The following PLEKHA7 variants were observed in gnomAD, a reference collection of about 807,000 sequenced individuals.
PLEKHA7 encodes the protein pleckstrin homology domain containing A7.
In PLEKHA7, 104 loss-of-function variants were observed where a neutral mutation model predicts 170.0. That is an observed-to-expected ratio of 0.61 (90% confidence interval 0.52 to 0.72). The LOEUF (loss-of-function observed/expected upper bound fraction) is 0.72, where lower values mean the gene tolerates loss of function less well. Among genes scored for constraint, PLEKHA7 ranks in the 30% least tolerant of loss-of-function variants. The pLI is 0.00. For synonymous variants in PLEKHA7, 648 were observed against 660.8 expected (o/e 0.98, Z 0.30); for missense variants, 1,615 against 1,671.7 (o/e 0.97, Z 0.59).
intron 9 of PLEKHA7, among the ~76,000 whole-genome samples, chr11:16,827,862 A>C (rs963243333): frequency 1.3e-5 from 2 of 151,540 alleles, no homozygotes; most frequent in African/African-American, 2.4e-5. Context: ...TAGCCTTAAG[A>C]TCCATCACTC....
intron 17 of PLEKHA7, 181 bp from the exon 18 acceptor site, chr11:16,795,199 T>C (rs777476448): frequency 2.1e-5 from 12 of 574,968 alleles, no homozygotes; most frequent in Middle Eastern, 4.6e-4. Flanking sequence ...ACAAGGAAAA[T>C]GCCCACGATC....
intron 3 of PLEKHA7, among the ~76,000 whole-genome samples, chr11:16,932,457 T>G (rs949962472): frequency 6.6e-6 from 1 of 151,758 alleles, no homozygotes; most frequent in Non-Finnish European, 1.5e-5. Context: ...AATTTTTCAA[T>G]TTTTTTTGGT....
In PLEKHA7 at chr11:16,799,726, C is replaced by CA. The variant is rs544080036; in HGVS notation, c.2409+1247dup. Among the ~76,000 whole-genome samples, 157 of 151,956 alleles carry CA rather than the reference C, an allele frequency of 1.0e-3. 2 individuals are homozygous for CA. The East Asian group carries it at 0.022, about 21-fold the overall frequency. ...GTCATTACGGTAAATGCTGCGGCTACAAAAAAGAGTAGTGAAATGTTAGCC... is the reference window on the plus strand; with the variant it reads ...GTCATTACGGTAAATGCTGCGGCTACAAAAAAAGAGTAGTGAAATGTTAGCC... On this transcript the variant is annotated intron_variant, in intron 17 of 26. Transcript: ENST00000531066.
chr11:16,888,876 A>T (rs9736249), intron 3 of PLEKHA7, among the ~76,000 whole-genome samples: 6 of 30,482 alleles, frequency 2.0e-4, no homozygotes, highest in South Asian at 7.5e-4. Context: ...TAAAAAAATT[A>T]AAAAAAACAA....
chr11:16,794,511 G>A lies in PLEKHA7; in HGVS notation c.2722C>T (p.Pro908Ser), dbSNP rs1397896774. 2.5e-6 allele frequency: 4 copies of A among 1,613,790 alleles called. No individual in the cohort carries two copies. The African/African-American group carries it at 4.0e-5, about 16-fold the overall frequency. Residue 908 changes from proline (P) to serine (S), a missense_variant, in exon 19 of 27, where the codon CCA becomes TCA. Pro to Ser is a moderately conservative substitution (Grantham distance 74, BLOSUM62 -1). Coordinates refer to ENST00000531066, the MANE Select transcript of PLEKHA7 (RefSeq NM_001329630.2). ...LRKVTSPLQSPTKAKPKVEDE... is the reference protein window; with the variant it reads ...LRKVTSPLQSSTKAKPKVEDE... ...ACAACTTTGGGCTTCGCCTTAGTTG[G>A]TGACTGAAGGGGGGATGTCACTTTC...
At chr11:16,815,447 G>C (rs372142169) in intron 12 of PLEKHA7, among the ~76,000 whole-genome samples, 1 of 152,228 alleles carries the variant, frequency 6.6e-6, no homozygotes, top group Non-Finnish European at 1.5e-5. Context: ...ACAAATAAAG[G>C]CACTGGCAGT....
intron 3 of PLEKHA7, among the ~76,000 whole-genome samples, chr11:17,005,633 C>A (rs1047657132): frequency 6.6e-6 from 1 of 152,162 alleles, no homozygotes; most frequent in African/African-American, 2.4e-5. Context: ...TCTTCCCAAC[C>A]CAGCATCTGT....
chr11:16,984,418 C>G (rs1863609652), intron 3 of PLEKHA7, among the ~76,000 whole-genome samples: 1 of 152,168 alleles, frequency 6.6e-6, no homozygotes, highest in African/African-American at 2.4e-5. Flanking sequence ...CCAGTGAATT[C>G]TCTGCTGACT....
intron 3 of PLEKHA7, among the ~76,000 whole-genome samples, chr11:16,872,632 A>AC (rs2135693039): frequency 6.6e-6 from 1 of 152,046 alleles, no homozygotes; most frequent in Admixed American, 6.6e-5. Context: ...TGATCCTCCC[A>AC]CCTCAGCCTC....
At position 16,826,578 on chromosome 11, in the gene PLEKHA7, C is replaced by T. The variant is rs1850671336; in HGVS notation, c.885G>A (p.Lys295=). The change falls in exon 10 of 27, where the codon AAG becomes AAA. Residue 295 remains lysine (K), a synonymous_variant. Transcript: ENST00000531066. ...CCTGGGGGACAGCCTGCCGCTCCAC[C>T]TTCTCCATATCCCTGCAATGACAGC... The part of the protein sequence containing the change: ...SRSSLKRDME[K]VERQAVPQAN... 3 of 1,612,896 alleles carry T rather than the reference C, an allele frequency of 1.9e-6. No individual in the cohort carries two copies. Among genetic ancestry groups the T allele is most frequent in the African/African-American group, 2.7e-5 (2 of 75,046 alleles).
intron 25 of PLEKHA7, among the ~76,000 whole-genome samples, chr11:16,783,367 TCACTGGA>T (rs1849178522): frequency 6.6e-6 from 1 of 152,190 alleles, no homozygotes; most frequent in African/African-American, 2.4e-5. Context: ...TGGCAGGCCA[TCACTGGA>T]GCTGATCTCC....
intron 3 of PLEKHA7, among the ~76,000 whole-genome samples, chr11:16,947,262 C>A (rs1026321698): frequency 6.6e-6 from 1 of 152,096 alleles, no homozygotes; most frequent in Admixed American, 6.6e-5. Flanking sequence ...ATTCGTACAG[C>A]CATTATTGAA....
At chr11:16,951,015 C>T (rs1035969693) in intron 3 of PLEKHA7, among the ~76,000 whole-genome samples, 1 of 152,210 alleles carries the variant, frequency 6.6e-6, no homozygotes, top group Non-Finnish European at 1.5e-5. Flanking sequence ...GGGCCAGGAA[C>T]CAGTCCCCAA....
intron 3 of PLEKHA7, among the ~76,000 whole-genome samples, chr11:16,983,266 T>A (rs548862299): frequency 1.3e-5 from 2 of 152,296 alleles, no homozygotes; most frequent in South Asian, 4.1e-4. Context: ...AGGAGGGGCT[T>A]CCTTGTGAGG....
At chr11:16,878,894 C>A (rs1855504328) in intron 3 of PLEKHA7, among the ~76,000 whole-genome samples, 1 of 152,138 alleles carries the variant, frequency 6.6e-6, no homozygotes, top group South Asian at 2.1e-4. Context: ...GGATGAGACA[C>A]CAACATGCCA....
At chr11:16,991,576 C>T (rs1309410822) in intron 3 of PLEKHA7, among the ~76,000 whole-genome samples, 1 of 152,104 alleles carries the variant, frequency 6.6e-6, no homozygotes, top group Non-Finnish European at 1.5e-5. Flanking sequence ...ACAGAGGGGA[C>T]AGCAGTGCAA....
At chr11:16,797,241 T>C (rs1848296774) in intron 17 of PLEKHA7, among the ~76,000 whole-genome samples, 1 of 152,062 alleles carries the variant, frequency 6.6e-6, no homozygotes, top group East Asian at 1.9e-4. Context: ...AAACATCAAA[T>C]GTAGTATTCT....
chr11:16,952,396 A>G (rs1196757402), intron 3 of PLEKHA7, among the ~76,000 whole-genome samples: 1 of 152,196 alleles, frequency 6.6e-6, no homozygotes, highest in African/African-American at 2.4e-5. Flanking sequence ...AAAGCAAAAC[A>G]TAGAGTGCTT....
chr11:16,823,192 G>C (rs944341480), intron 10 of PLEKHA7, among the ~76,000 whole-genome samples: 3 of 152,052 alleles, frequency 2.0e-5, no homozygotes, highest in Non-Finnish European at 4.4e-5. Flanking sequence ...TTTTGGTAGA[G>C]ATGGTGTCTT....
Sources: allele counts gnomAD v4.1 joint callset (sites outside exome capture counted in the v4.1 genomes callset), GRCh38; gene constraint gnomAD v4.1.1; transcripts MANE v1.5; gene names NCBI Gene and HGNC (gene_info 2026-07-23, HGNC 2026-07-21).